Variants in SH2B1 observed in about 807,000 individuals in gnomAD.
SH2B1 encodes the protein SH2B adaptor protein 1.
Under a neutral mutation model 62.6 loss-of-function variants are expected in SH2B1, and 15 were observed. That is an observed-to-expected ratio of 0.24 (90% CI 0.16 to 0.37). SH2B1 has a LOEUF of 0.37. Among genes scored for constraint, SH2B1 ranks in the 10% least tolerant of loss-of-function variants. The pLI is 1.00. For synonymous variants in SH2B1, 443 were observed against 438.0 expected (o/e 1.01, Z -0.14); for missense variants, 925 against 1,015.6 (o/e 0.91, Z 1.21).
Position 28,871,760 on chromosome 16 carries a change from T to C in SH2B1, c.1310-20T>C. ...AAGAGGAATTTCTTGGGTTCTCAGC[T>C]TTGCCCTTTTTTTTTCCAGGGGCAT... On this transcript the variant is annotated intron_variant, in intron 4 of 7. Transcript: ENST00000684370. 1.2e-6 allele frequency: 2 copies of C among 1,604,880 alleles called. No homozygotes were observed. Among genetic ancestry groups the C allele is most frequent in the East Asian group, 4.5e-5 (2 of 44,844 alleles).
chr16:28,852,426 A>G (rs1388905750), intron 1 of SH2B1, among the ~76,000 whole-genome samples: 1 of 106,238 alleles, frequency 9.4e-6, no homozygotes, highest in East Asian at 2.6e-4. Context: ...TTATATATTT[A>G]CATATATATT....
At chr16:28,848,559 G>T (rs1962034827) in intron 1 of SH2B1, among the ~76,000 whole-genome samples, 1 of 152,008 alleles carries the variant, frequency 6.6e-6, no homozygotes, top group African/African-American at 2.4e-5. Context: ...GCTACCCTGG[G>T]TAGTAGGAAC....
rs367589780 is a variant in SH2B1, at chr16:28,866,997, A to T, written c.903A>T (p.Gly301=). 3.6e-5 allele frequency: 57 copies of T among 1,602,236 alleles called. No homozygotes were observed. The highest frequency in any genetic ancestry group is 4.7e-5 in the Non-Finnish European group (56 of 1,179,942). The change falls in exon 1 of 8, where the codon GGA becomes GGT. Residue 301 remains glycine, a synonymous_variant. Coordinates refer to ENST00000684370, the MANE Select transcript of SH2B1 (RefSeq NM_001387430.1). This position sits in a 1 kb window ranked among gnomAD's most constrained non-coding sequence, Gnocchi z 6.3. ...RLLLRSEGEG[G]GGSRLEFFVP... is the part of the protein sequence containing the mutation. ...TGCTTCGAAGTGAAGGAGAAGGAGG[A>T]GGAGGAAGTCGCCTGGAGTTCTTTG...
Position 28,865,063 on chromosome 16 carries a change from C to T in SH2B1, c.-1032C>T. On this transcript the variant is annotated 5_prime_UTR_variant, in exon 1 of 8. Transcript: ENST00000684370. ...GTTTGAGCCCTGGTCTGACTCAAGT[C>T]CATGGCCTTAACCAGAAGGCTAACC... is the stretch of plus-strand genomic sequence containing the variant. 1.0e-6 allele frequency: 1 copy of T among 985,204 alleles called. No individual in the cohort carries two copies. The highest frequency in any genetic ancestry group is 1.2e-6 in the Non-Finnish European group (1 of 829,672). The allele number at this position is 985,204 out of a possible 1,614,324, so 61.0% of individuals were successfully genotyped here.
chr16:28,853,012 ATT>A (rs535735814), intron 1 of SH2B1, among the ~76,000 whole-genome samples: 2 of 66,704 alleles, frequency 3.0e-5, no homozygotes, highest in African/African-American at 2.0e-4. Flanking sequence ...GTACATATAT[ATT>A]TATATATGTA....
chr16:28,865,518 G>A lies in SH2B1; in HGVS notation c.-577G>A. 1.0e-6 allele frequency: 1 copy of A among 985,646 alleles called. No individual in the cohort carries two copies. The highest frequency in any genetic ancestry group is 1.2e-6 in the Non-Finnish European group (1 of 829,998). The allele number at this position is 985,646 out of a possible 1,614,324, so 61.1% of individuals were successfully genotyped here. A position where few individuals can be genotyped will look rare whatever the true frequency, so the allele number is the denominator to read the frequency against. ...GAGGCTGGCCCAGCCGGGCCCTGGG[G>A]ACAGGGACTATGAAGTGGGGAAAAC... On this transcript the variant is annotated 5_prime_UTR_variant, in exon 1 of 8. Coordinates refer to ENST00000684370, the MANE Select transcript of SH2B1 (RefSeq NM_001387430.1).
Position 28,852,700 on chromosome 16 carries a change from A to T in SH2B1, c.-301+5873A>T, listed in dbSNP as rs1170292442. On this transcript the variant is annotated intron_variant, in intron 1 of 10. Transcript: ENST00000322610. ...TATATTTACATATATATTTATATAT[A>T]TACATATATATTTACATATATATTT... Among the ~76,000 whole-genome samples the T allele has an allele frequency of 6.3e-4, 30 of 47,878 alleles. 4 individuals are homozygous for T. The highest frequency in any genetic ancestry group is 1.3e-3 in the Non-Finnish European group (27 of 21,094). 31.4% of individuals were successfully genotyped at this position (47,878 alleles called of 152,430 possible).
intron 1 of SH2B1, among the ~76,000 whole-genome samples, chr16:28,852,915 CATAT>C (rs536692830): frequency 6.7e-5 from 3 of 44,694 alleles, no homozygotes; most frequent in African/African-American, 1.8e-4. Context: ...TATACATGTA[CATAT>C]ATATATTTTT....
Position 28,865,787 on chromosome 16 carries a change from G to A in SH2B1, c.-308G>A. 8.6e-7 allele frequency: 1 copy of A among 1,161,480 alleles called. No homozygotes were observed. Among genetic ancestry groups the A allele is most frequent in the Non-Finnish European group, 1.1e-6 (1 of 941,770 alleles). The allele number at this position is 1,161,480 out of a possible 1,614,324, so 71.9% of individuals were successfully genotyped here. A position where few individuals can be genotyped will look rare whatever the true frequency, so the allele number is the denominator to read the frequency against. On this transcript the variant is annotated 5_prime_UTR_variant, in exon 1 of 8. Transcript: ENST00000684370. ...TGGATCCAAAGCTAAGGAAAGTGGG[G>A]GCAAATGTGGCAGGCTCGGGGCAGG...
chr16:28,852,377 C>CATATATATTTACAT (rs1233764186), intron 1 of SH2B1, among the ~76,000 whole-genome samples: 1 of 36,904 alleles, frequency 2.7e-5, no homozygotes, highest in African/African-American at 1.1e-4. Flanking sequence ...TATATATTTA[C>CATATATATTTACAT]ATATATTTAT....
At chr16:28,868,721 G>T (rs1213071482) in intron 2 of SH2B1, among the ~76,000 whole-genome samples, 1 of 152,110 alleles carries the variant, frequency 6.6e-6, no homozygotes, top group African/African-American at 2.4e-5. Flanking sequence ...CTCTCAAAGT[G>T]CTGGGATTAC....
intron 4 of SH2B1, among the ~76,000 whole-genome samples, chr16:28,871,026 TG>T (rs1962997298): frequency 2.0e-5 from 3 of 151,504 alleles, no homozygotes; most frequent in African/African-American, 7.3e-5. Flanking sequence ...TGTGTGTGTG[TG>T]TGTGTTTTGA....
intron 1 of SH2B1, among the ~76,000 whole-genome samples, chr16:28,852,209 T>C (rs1346081971): frequency 3.0e-4 from 24 of 78,812 alleles, no homozygotes; most frequent in Admixed American, 1.9e-3. Context: ...TATATTTACA[T>C]ATATATATTT....
chr16:28,853,212 TAA>T lies in SH2B1; in HGVS notation c.-301+6389_-301+6390del, dbSNP rs1375710587. 1.7e-3 allele frequency among the ~76,000 whole-genome samples: 217 copies of T among 124,130 alleles called. 11 individuals carry two copies. The South Asian group carries it at 0.018, about 10-fold the overall frequency. 81.4% of individuals were successfully genotyped at this position (124,130 alleles called of 152,430 possible). A position where few individuals can be genotyped will look rare whatever the true frequency, so the allele number is the denominator to read the frequency against. ...ACGGAGTCTTGCTCATATATATATA[TAA>T]AAATGTATATATAAATATATATATA... On this transcript the variant is annotated intron_variant, in intron 1 of 10. Coordinates refer to the SH2B1 transcript ENST00000322610.
At chr16:28,871,647 C>T (rs1963042725) in intron 4 of SH2B1, 133 bp from the exon 5 acceptor site, 2 of 716,422 alleles carry the variant, frequency 2.8e-6, no homozygotes, top group East Asian at 2.7e-5. Context: ...TCAGGGGTCA[C>T]TACCCACAGA....
At chr16:28,860,050 C>A (rs1204920736), upstream of SH2B1, among the ~76,000 whole-genome samples, 1 of 152,094 alleles carries the variant, frequency 6.6e-6, no homozygotes, top group Non-Finnish European at 1.5e-5. Flanking sequence ...TTCTCCGCAA[C>A]CTTGCTCCTT....
In SH2B1 at chr16:28,866,423, G is replaced by A; in HGVS notation, c.329G>A (p.Ser110Asn). 1 of 1,613,962 alleles carries A rather than the reference G, an allele frequency of 6.2e-7. No individual in the cohort carries two copies. The highest frequency in any genetic ancestry group is 8.5e-7 in the Non-Finnish European group (1 of 1,180,030). Reference protein sequence around the residue: ...EISPHDLSLESCRVGGPLAVL... With the variant: ...EISPHDLSLENCRVGGPLAVL... ...TCGCCACATGACCTGTCCCTTGAGA[G>A]CTGCAGGGTGGGTGGGCCCCTGGCT... Residue 110 changes from serine to asparagine, a missense_variant, in exon 1 of 8, where the codon AGC becomes AAC. By Grantham distance (46) the Ser-to-Asn change is conservative. Around this residue, in one of 3 missense-constraint regions of SH2B1, gnomAD observed 683 missense variants for 704.0 expected, o/e 0.97. Transcript: ENST00000684370. This position sits in a 1 kb window ranked among gnomAD's most constrained non-coding sequence, Gnocchi z 6.3.
rs747314055 is a variant in SH2B1 at position 28,873,850 on chromosome 16, AC to A, written c.*36del. ...ACCCCACCCGCTCCACCCTTTTTAA[AC>A]CCCCCAGCCCTGCTCGTGAGATTGG... On this transcript the variant is annotated 3_prime_UTR_variant, in exon 8 of 8. Coordinates refer to ENST00000684370, the MANE Select transcript of SH2B1 (RefSeq NM_001387430.1). This position sits in a 1 kb window ranked among gnomAD's most constrained non-coding sequence, Gnocchi z 4.2. 7.1e-7 allele frequency: 1 copy of A among 1,400,662 alleles called. No homozygotes were observed. 86.8% of individuals were successfully genotyped at this position (1,400,662 alleles called of 1,614,324 possible). A position where few individuals can be genotyped will look rare whatever the true frequency, so the allele number is the denominator to read the frequency against.
chr16:28,872,005 A>C lies in SH2B1; in HGVS notation c.1513+22A>C, dbSNP rs527892668. The C allele has an allele frequency of 1.8e-4, 273 of 1,496,166 alleles. 1 individual carries two copies. The highest frequency in any genetic ancestry group is 1.7e-3 in the Admixed American group (102 of 59,736). 92.7% of individuals were successfully genotyped at this position (1,496,166 alleles called of 1,614,324 possible). On this transcript the variant is annotated intron_variant, in intron 5 of 7. Coordinates refer to ENST00000684370, the MANE Select transcript of SH2B1 (RefSeq NM_001387430.1). The surrounding 1 kb of genome is among the most constrained non-coding windows in gnomAD (Gnocchi z 5.3). ...ACAGGTACCGGAGGTGTGAGTGTGCATGTCTCCAGGCCTGGGTGCCTACCT... is the reference window on the plus strand; with the variant it reads ...ACAGGTACCGGAGGTGTGAGTGTGCCTGTCTCCAGGCCTGGGTGCCTACCT...
Sources: allele counts gnomAD v4.1 joint callset (sites outside exome capture counted in the v4.1 genomes callset), GRCh38; gene constraint gnomAD v4.1.1; regional missense constraint gnomAD v4.1.1; non-coding constraint Gnocchi (gnomAD v3.1); transcripts MANE v1.5; gene names NCBI Gene and HGNC (gene_info 2026-07-23, HGNC 2026-07-21).